Variants in ROBO2 observed in about 807,000 individuals in gnomAD.
The protein encoded by ROBO2 is roundabout homolog 2.
ROBO2 carries 53 observed loss-of-function variants against 160.8 expected under a neutral mutation model. The ratio of observed to expected loss-of-function variants is 0.33; its 90% CI spans 0.26 to 0.41. The LOEUF is 0.41. Among genes scored for constraint, ROBO2 ranks in the 10% least tolerant of loss-of-function variants. ROBO2 has a pLI of 1.00. For synonymous variants in ROBO2, 664 were observed against 611.7 expected (o/e 1.09, Z -1.26); for missense variants, 1,577 against 1,722.4 (o/e 0.92, Z 1.49).
chr3:76,427,728 T>C (rs2076276770), intron 2 of ROBO2, among the ~76,000 whole-genome samples: 1 of 152,204 alleles, frequency 6.6e-6, no homozygotes, highest in African/African-American at 2.4e-5. Flanking sequence ...ATTGTATTCT[T>C]GTTGTTTAAT....
At chr3:77,256,960 G>T (rs2058458792) in intron 2 of ROBO2, among the ~76,000 whole-genome samples, 1 of 152,018 alleles carries the variant, frequency 6.6e-6, no homozygotes, top group African/African-American at 2.4e-5. Context: ...CACAAATTCT[G>T]TCCTATGTGG....
At chr3:77,115,753 A>G (rs533200682) in intron 2 of ROBO2, among the ~76,000 whole-genome samples, 1 of 152,336 alleles carries the variant, frequency 6.6e-6, no homozygotes, top group Admixed American at 6.5e-5. Context: ...TGAAACTAGA[A>G]AGCAAATTTA....
intron 2 of ROBO2, among the ~76,000 whole-genome samples, chr3:77,164,158 C>T (rs988915764): frequency 9.2e-5 from 14 of 152,118 alleles, no homozygotes; most frequent in Non-Finnish European, 1.6e-4. Flanking sequence ...TGCAATTTAT[C>T]TTTGTATTGT....
At position 76,478,022 on chromosome 3, in the gene ROBO2, A is replaced by T. The variant is rs537637820; in HGVS notation, c.109+540420A>T. On this transcript the variant is annotated intron_variant, in intron 2 of 26. Transcript: ENST00000487694. ...TCAGATAAGTAGCCGCTACTTCTTT[A>T]TTATTATTATTATTATTATTATACT... Among the ~76,000 whole-genome samples the T allele has an allele frequency of 2.7e-5, 4 of 149,576 alleles. No individual in the cohort carries two copies. In the East Asian group the frequency reaches 5.9e-4, roughly 22 times the overall value.
intron 12 of ROBO2, 21 bp downstream of exon 13, chr3:77,565,141 C>G (rs2093442795): frequency 6.2e-7 from 1 of 1,613,088 alleles, no homozygotes; most frequent in Non-Finnish European, 8.5e-7. Context: ...CAGCTGTCAA[C>G]AAGACTGGTT....
rs140434362 is a variant in ROBO2, at chr3:77,388,888, T to C, written c.389-88526T>C. On this transcript the variant is annotated intron_variant, in intron 2 of 25. Coordinates refer to ENST00000461745, the Ensembl canonical transcript of ROBO2. ...AGATGTAGCATTTTAATACATAGAA[T>C]GTAAAGTAAATTCAGAGTTTACGTC... is the stretch of plus-strand genomic sequence containing the variant. 5.4e-4 allele frequency among the ~76,000 whole-genome samples: 83 copies of C among 152,366 alleles called. 1 individual carries two copies. The South Asian group carries it at 0.014, about 27-fold the overall frequency.
At chr3:77,635,131 T>A in intron 24 of ROBO2, 88 bp downstream of exon 25, 1 of 1,430,474 alleles carries the variant, frequency 7.0e-7, no homozygotes, top group Non-Finnish European at 9.7e-7. Context: ...TCATGGTAGA[T>A]TAGCCATTGC....
At chr3:77,429,552 A>G (rs2078558684) in intron 2 of ROBO2, among the ~76,000 whole-genome samples, 2 of 151,916 alleles carry the variant, frequency 1.3e-5, no homozygotes, top group African/African-American at 4.8e-5. Flanking sequence ...TGTTATGTCC[A>G]TGGATCTTTG....
intron 2 of ROBO2, among the ~76,000 whole-genome samples, chr3:77,476,843 T>G (rs2084069435): frequency 6.6e-6 from 1 of 152,160 alleles, no homozygotes; most frequent in Non-Finnish European, 1.5e-5. Flanking sequence ...AGTTGCAGAA[T>G]GAAAATGTAG....
chr3:77,620,348 G>A (rs969059786), intron 22 of ROBO2, among the ~76,000 whole-genome samples: 1 of 152,204 alleles, frequency 6.6e-6, no homozygotes, highest in East Asian at 1.9e-4. Context: ...ATTTATAAAT[G>A]TTATGTGTCC....
intron 2 of ROBO2, among the ~76,000 whole-genome samples, chr3:76,763,952 T>G (rs2061444178): frequency 6.6e-6 from 1 of 151,768 alleles, no homozygotes; most frequent in Non-Finnish European, 1.5e-5. Context: ...AATAATTACA[T>G]TTTTGAGATA....
intron 1 of ROBO2, among the ~76,000 whole-genome samples, chr3:77,045,666 T>C (rs1318980990): frequency 6.6e-6 from 1 of 152,204 alleles, no homozygotes; most frequent in African/African-American, 2.4e-5. Context: ...TCACTTGTTC[T>C]CACAACTTGT....
At chr3:77,433,175 G>A (rs987347045) in intron 2 of ROBO2, among the ~76,000 whole-genome samples, 2 of 152,012 alleles carry the variant, frequency 1.3e-5, no homozygotes, top group African/African-American at 4.8e-5. Context: ...TTGCAGACAT[G>A]AGTTGATTTT....
At chr3:77,426,322 T>C (rs187382683) in intron 2 of ROBO2, among the ~76,000 whole-genome samples, 1 of 152,128 alleles carries the variant, frequency 6.6e-6, no homozygotes, top group East Asian at 1.9e-4. Context: ...AAAGGAACCA[T>C]GAACAGAGAT....
At chr3:76,814,850 T>C (rs1164431260) in intron 2 of ROBO2, among the ~76,000 whole-genome samples, 2 of 151,996 alleles carry the variant, frequency 1.3e-5, no homozygotes, top group Admixed American at 1.3e-4. Context: ...TAACTTGTAA[T>C]AAAGGAATTC....
In ROBO2 at chr3:76,956,081, A is replaced by G. The variant is rs113052068; in HGVS notation, c.110-141933A>G. On this transcript the variant is annotated intron_variant, in intron 2 of 26. Coordinates refer to the ROBO2 transcript ENST00000487694. Reference sequence around the variant, plus strand: ...CCACTGTCTCTACTTTACGCCCTCCAGACTTAAATGTTCAGTAACAGTGGT... The same window carrying G: ...CCACTGTCTCTACTTTACGCCCTCCGGACTTAAATGTTCAGTAACAGTGGT... Among the ~76,000 whole-genome samples the G allele has an allele frequency of 5.9e-3, 904 of 152,298 alleles. 8 individuals are homozygous for G. The highest frequency in any genetic ancestry group is 0.02 in the African/African-American group (842 of 41,580).
chr3:76,148,344 G>T (rs1402554672), intron 2 of ROBO2, among the ~76,000 whole-genome samples: 1 of 151,872 alleles, frequency 6.6e-6, no homozygotes, highest in East Asian at 1.9e-4. Flanking sequence ...GTCATCTAGT[G>T]GGATAATTTT....
intron 2 of ROBO2, among the ~76,000 whole-genome samples, chr3:76,471,810 G>A (rs1309496337): frequency 6.6e-6 from 1 of 152,056 alleles, no homozygotes; most frequent in East Asian, 1.9e-4. Flanking sequence ...TGGCAGAAGG[G>A]GAAGCAAACA....
chr3:77,490,132 G>C (rs1305938525), intron 4 of ROBO2, among the ~76,000 whole-genome samples: 1 of 136,776 alleles, frequency 7.3e-6, no homozygotes, highest in Non-Finnish European at 1.5e-5. Flanking sequence ...ACGGAGTCTC[G>C]CTCTGTCTCC....
Sources: allele counts gnomAD v4.1 joint callset (sites outside exome capture counted in the v4.1 genomes callset), GRCh38; gene constraint gnomAD v4.1.1; transcripts MANE v1.5; gene names NCBI Gene and HGNC (gene_info 2026-07-23, HGNC 2026-07-21).